NCAM2: variants seen among roughly 807,000 people sequenced by gnomAD.
The protein encoded by NCAM2 is N-CAM-2.
NCAM2 carries 30 observed loss-of-function variants against 98.1 expected under a neutral mutation model. The ratio of observed to expected loss-of-function variants is 0.31; its 90% CI spans 0.23 to 0.41. NCAM2 has a LOEUF of 0.41. Ranked by LOEUF, NCAM2 falls within the 10% of genes least tolerant of loss-of-function variation. The probability of loss-of-function intolerance (pLI) is 1.00; values close to 1 mark genes in which losing one functional copy is unlikely to be tolerated. For synonymous variants in NCAM2, 368 were observed against 342.4 expected, an observed-to-expected ratio of 1.07 and a Z score of -0.83; for missense variants, 867 against 1,005.8, an observed-to-expected ratio of 0.86 and a Z score of 1.87.
chr21:21,305,599 GT>G (rs35864337), intron 5 of NCAM2, among the ~76,000 whole-genome samples: 150,203 of 152,084 alleles, frequency 0.99, 74,204 homozygotes, highest in East Asian at 1. Flanking sequence ...AAATTACTGA[GT>G]TTTTTTTATC....
intron 8 of NCAM2, among the ~76,000 whole-genome samples, chr21:21,352,004 C>T (rs1005925137): frequency 2.0e-5 from 3 of 152,272 alleles, no homozygotes; most frequent in Admixed American, 2.0e-4. Context: ...CCCACCTCAG[C>T]CTCCTCAAAT....
At chr21:21,025,025 T>C (rs564996100) in intron 1 of NCAM2, among the ~76,000 whole-genome samples, 1 of 152,238 alleles carries the variant, frequency 6.6e-6, no homozygotes, top group African/African-American at 2.4e-5. Flanking sequence ...TTGCATTCTT[T>C]CCTCTAAATA....
At chr21:21,507,486 A>G (rs921531832) in intron 15 of NCAM2, among the ~76,000 whole-genome samples, 4 of 152,160 alleles carry the variant, frequency 2.6e-5, no homozygotes, top group Admixed American at 2.6e-4. Flanking sequence ...TAATAAATGC[A>G]TTTTGTCATT....
At chr21:21,435,342 T>C (rs1194573777) in intron 12 of NCAM2, among the ~76,000 whole-genome samples, 1 of 152,138 alleles carries the variant, frequency 6.6e-6, no homozygotes, top group Admixed American at 6.6e-5. Context: ...AAATATCATA[T>C]CTCTCCTCTC....
intron 1 of NCAM2, among the ~76,000 whole-genome samples, chr21:21,275,913 G>T (rs555621199): frequency 6.6e-6 from 1 of 151,954 alleles, no homozygotes; most frequent in African/African-American, 2.4e-5. Flanking sequence ...CAAGTCAGTT[G>T]TTTCTGATAT....
At chr21:21,156,823 G>A (rs1036552280) in intron 1 of NCAM2, among the ~76,000 whole-genome samples, 1 of 151,920 alleles carries the variant, frequency 6.6e-6, no homozygotes. Flanking sequence ...AATGTATCTC[G>A]CAACAAAGAC....
chr21:21,062,432 A>G (rs1601245608), intron 1 of NCAM2, among the ~76,000 whole-genome samples: 2 of 152,200 alleles, frequency 1.3e-5, no homozygotes, highest in Admixed American at 1.3e-4. Flanking sequence ...ATCATAACTT[A>G]TACGTATTTT....
intron 14 of NCAM2, among the ~76,000 whole-genome samples, chr21:21,476,950 A>G (rs1395789532): frequency 6.6e-6 from 1 of 151,936 alleles, no homozygotes; most frequent in East Asian, 1.9e-4. Flanking sequence ...TCATTTTCCC[A>G]TTCACATAAT....
intron 8 of NCAM2, among the ~76,000 whole-genome samples, chr21:21,355,606 A>G (rs2075455564): frequency 6.6e-6 from 1 of 151,052 alleles, no homozygotes; most frequent in Non-Finnish European, 1.5e-5. Context: ...TTTGAATTTT[A>G]TTGCTGTTAT....
At chr21:21,233,672 C>T (rs1056597720) in intron 1 of NCAM2, among the ~76,000 whole-genome samples, 1 of 151,806 alleles carries the variant, frequency 6.6e-6, no homozygotes, top group South Asian at 2.1e-4. Context: ...GATGTTTTGG[C>T]ATCACCCACT....
Position 21,126,512 on chromosome 21 carries a change from TATTA to T in NCAM2, c.55+127899_55+127902del, listed in dbSNP as rs531892717. On this transcript the variant is annotated intron_variant, in intron 1 of 17. Transcript: ENST00000400546. ...CATAATAACCATAGTATCAACATAT[TATTA>T]ATTATTTTGAATACCAACCCCATTT... 1.7e-3 allele frequency among the ~76,000 whole-genome samples: 254 copies of T among 152,110 alleles called. 1 individual carries two copies. The highest frequency in any genetic ancestry group is 5.8e-3 in the African/African-American group (242 of 41,554).
chr21:21,179,316 A>T (rs1179916383), intron 1 of NCAM2, among the ~76,000 whole-genome samples: 1 of 152,146 alleles, frequency 6.6e-6, no homozygotes, highest in Non-Finnish European at 1.5e-5. Flanking sequence ...TATTAAATTA[A>T]TATTTTCTGA....
At chr21:21,206,789 A>C (rs559801210) in intron 1 of NCAM2, among the ~76,000 whole-genome samples, 91 of 152,284 alleles carry the variant, frequency 6.0e-4, no homozygotes, top group Admixed American at 1.4e-3. Context: ...CTTATTAATT[A>C]AAGGATGAAT....
intron 1 of NCAM2, among the ~76,000 whole-genome samples, chr21:21,123,848 C>CTTTTTGTTTTTTT (rs2066728172): frequency 1.2e-5 from 1 of 86,656 alleles, no homozygotes; most frequent in African/African-American, 4.6e-5. Context: ...TTCTTGATTG[C>CTTTTTGTTTTTTT]TTTTTTTTTT....
At chr21:21,242,233 T>C (rs1457929310) in intron 1 of NCAM2, among the ~76,000 whole-genome samples, 1 of 66,856 alleles carries the variant, frequency 1.5e-5, no homozygotes, top group Non-Finnish European at 2.9e-5. Context: ...CAAATAATTG[T>C]ATATATTTAT....
chr21:21,153,776 C>G (rs1259648228), intron 1 of NCAM2, among the ~76,000 whole-genome samples: 1 of 151,666 alleles, frequency 6.6e-6, no homozygotes, highest in East Asian at 1.9e-4. Flanking sequence ...AAAGTACATT[C>G]AATCTATTAA....
At chr21:21,448,374 A>G (rs1400292568) in intron 12 of NCAM2, among the ~76,000 whole-genome samples, 2 of 152,056 alleles carry the variant, frequency 1.3e-5, no homozygotes, top group African/African-American at 4.8e-5. Context: ...GGGGAAAGAT[A>G]CACACCAGGG....
intron 1 of NCAM2, among the ~76,000 whole-genome samples, chr21:21,215,195 A>T (rs897268730): frequency 6.6e-6 from 1 of 152,086 alleles, no homozygotes; most frequent in African/African-American, 2.4e-5. Context: ...TATGCATAAA[A>T]TTATCTGTAT....
chr21:21,407,066 A>AT (rs2145898281), intron 9 of NCAM2, among the ~76,000 whole-genome samples: 1 of 152,018 alleles, frequency 6.6e-6, no homozygotes, highest in South Asian at 2.1e-4. Flanking sequence ...GGCCTTCCTG[A>AT]TTTTGAAAAT....
Sources: allele counts gnomAD v4.1 joint callset (sites outside exome capture counted in the v4.1 genomes callset), GRCh38; gene constraint gnomAD v4.1.1; transcripts MANE v1.5; gene names NCBI Gene and HGNC (gene_info 2026-07-23, HGNC 2026-07-21).